The following CDH23 variants were observed in gnomAD, a reference collection of about 807,000 sequenced individuals.
CDH23 encodes the protein cadherin-23.
CDH23 carries 189 observed loss-of-function variants against 317.1 expected under a neutral mutation model. The observed-to-expected ratio is 0.60, with a 90% CI of 0.53 to 0.67. CDH23 has a LOEUF of 0.67. CDH23 is among the 30% of genes least tolerant of loss of function. CDH23 has a pLI of 0.00. For synonymous variants in CDH23, 1,839 were observed against 1,876.8 expected, an observed-to-expected ratio of 0.98 and a Z score of 0.52; for missense variants, 4,401 against 4,592.4, an observed-to-expected ratio of 0.96 and a Z score of 1.20.
intron 9 of CDH23, among the ~76,000 whole-genome samples, chr10:71,598,269 G>A (rs1859990497): frequency 6.6e-6 from 1 of 152,246 alleles, no homozygotes; most frequent in African/African-American, 2.4e-5. Context: ...TTCTGGCCTA[G>A]GCTGGGGACA....
At chr10:71,685,520 A>G (rs1295431291) in intron 18 of CDH23, among the ~76,000 whole-genome samples, 7 of 152,340 alleles carry the variant, frequency 4.6e-5, no homozygotes, top group African/African-American at 1.7e-4. Context: ...CCCTGGGACC[A>G]CAGAGGAGGT....
intron 9 of CDH23, among the ~76,000 whole-genome samples, chr10:71,580,689 T>A (rs1858562886): frequency 6.6e-6 from 1 of 152,202 alleles, no homozygotes; most frequent in Non-Finnish European, 1.5e-5. Context: ...ACGTGCAGGG[T>A]GGCCTTAGAA....
Position 71,562,124 on chromosome 10 carries a change from C to T in CDH23, c.430-4618C>T, listed in dbSNP as rs538650006. Among the ~76,000 whole-genome samples, 4 of 152,188 alleles carry T rather than the reference C, an allele frequency of 2.6e-5. No homozygotes were observed. In the East Asian group the frequency reaches 7.7e-4, roughly 29 times the overall value. ...CGTGCAGCCCCAACCCCAGACACTC[C>T]AAGCCCCACCCCAGACGCCCCGAAC... is the stretch of plus-strand genomic sequence containing the variant. On this transcript the variant is annotated intron_variant, in intron 6 of 69. Coordinates refer to ENST00000224721, the MANE Select transcript of CDH23 (RefSeq NM_022124.6).
intron 6 of CDH23, among the ~76,000 whole-genome samples, chr10:71,516,793 T>C (rs1854356504): frequency 6.6e-6 from 1 of 152,208 alleles, no homozygotes; most frequent in African/African-American, 2.4e-5. Flanking sequence ...GCACGACTTT[T>C]TGACATGTAG....
chr10:71,448,951 G>A (rs950473414), intron 3 of CDH23, among the ~76,000 whole-genome samples: 23 of 152,290 alleles, frequency 1.5e-4, no homozygotes, highest in African/African-American at 4.8e-4. Context: ...CATGGGGAGT[G>A]GGGTGGTCTA....
At chr10:71,799,016 C>A in intron 50 of CDH23, 95 bp from the exon 51 acceptor site, 1 of 1,226,748 alleles carries the variant, frequency 8.2e-7, no homozygotes, top group Non-Finnish European at 1.2e-6. Flanking sequence ...GTGACCACAG[C>A]TGCCCCTCGG....
chr10:71,640,269 G>A (rs777828390), intron 11 of CDH23, among the ~76,000 whole-genome samples: 1 of 152,142 alleles, frequency 6.6e-6, no homozygotes, highest in African/African-American at 2.4e-5. Flanking sequence ...GCCTGCACAC[G>A]ATTGGTGCCG....
chr10:71,471,166 C>T (rs1264209089), intron 3 of CDH23, among the ~76,000 whole-genome samples: 3 of 151,966 alleles, frequency 2.0e-5, no homozygotes, highest in African/African-American at 4.8e-5. Context: ...CTCATGCACT[C>T]GCCCACTCTT....
At position 71,801,397 on chromosome 10, in the gene CDH23, G is replaced by A. The variant is rs536715941; in HGVS notation, c.7482+642G>A. 5.9e-5 allele frequency among the ~76,000 whole-genome samples: 9 copies of A among 151,832 alleles called. No individual in the cohort carries two copies. The East Asian group carries it at 1.7e-3, about 29-fold the overall frequency. Reference sequence around the variant, plus strand: ...TCGAACTCCCGACCTCAGGTGATTCGCCCACCTCGGCCTCCCAAAGTGCTG... The same window carrying A: ...TCGAACTCCCGACCTCAGGTGATTCACCCACCTCGGCCTCCCAAAGTGCTG... On this transcript the variant is annotated intron_variant, in intron 53 of 69. Transcript: ENST00000224721.
Position 71,812,622 on chromosome 10 carries a change from C to T in CDH23, c.9510+13C>T, listed in dbSNP as rs183692794. The T allele has an allele frequency of 1.7e-3, 2,696 of 1,613,528 alleles. 27 individuals carry two copies. Among genetic ancestry groups the T allele is most frequent in the African/African-American group, 0.011 (843 of 74,790 alleles). ...CACGCGCACCCATGTGAGCCAGAGG[C>T]GGTCAGGCATCACAAGGGGCAGGGG... is the stretch of plus-strand genomic sequence containing the variant. On this transcript the variant is annotated intron_variant, in intron 67 of 69. Coordinates refer to ENST00000224721, the MANE Select transcript of CDH23 (RefSeq NM_022124.6).
chr10:71,657,385 A>G (rs558808608), intron 14 of CDH23, among the ~76,000 whole-genome samples: 44 of 152,336 alleles, frequency 2.9e-4, no homozygotes, highest in South Asian at 2.1e-3. Flanking sequence ...CCAAAAGCGT[A>G]CCAATGCCTG....
chr10:71,438,198 C>T lies in CDH23; in HGVS notation c.-5-1629C>T, dbSNP rs553311221. Among the ~76,000 whole-genome samples, 9 of 148,912 alleles carry T rather than the reference C, an allele frequency of 6.0e-5. No homozygotes were observed. In the East Asian group the frequency reaches 1.2e-3, roughly 20 times the overall value. On this transcript the variant is annotated intron_variant, in intron 1 of 69. Coordinates refer to ENST00000224721, the MANE Select transcript of CDH23 (RefSeq NM_022124.6). ...TCTACTCAAAATACAAAAAAATGAG[C>T]CAAGCGTGGTGGCACGCACCTGTAA...
chr10:71,624,265 C>T (rs1018926346), intron 11 of CDH23, among the ~76,000 whole-genome samples: 5 of 152,194 alleles, frequency 3.3e-5, no homozygotes, highest in African/African-American at 1.2e-4. Flanking sequence ...CCCAGCCTGC[C>T]TTGTATTTGT....
intron 3 of CDH23, among the ~76,000 whole-genome samples, chr10:71,464,086 C>T (rs1010928369): frequency 6.6e-6 from 1 of 152,152 alleles, no homozygotes; most frequent in African/African-American, 2.4e-5. Context: ...AGTGACTTAC[C>T]CAAGATCATG....
chr10:71,807,371 A>G lies in CDH23; in HGVS notation c.8273A>G (p.Glu2758Gly), dbSNP rs1841761325. ...GNVTGAVDAD[E>G]GPNAIVYYFI... ...GTGACAGGCGCAGTGGATGCAGATG[A>G]GGGCCCCAACGCGATCGTGTACTAC... The change falls in exon 58 of 70, where the codon GAG becomes GGG. Residue 2758 changes from glutamate to glycine, a missense_variant. By Grantham distance (98) the Glu-to-Gly change is moderately conservative (BLOSUM62 -2). This residue lies in a region of CDH23 where 1,144 missense variants were observed against 1,138.2 expected (regional missense o/e 1.01). Transcript: ENST00000224721. The G allele has an allele frequency of 6.2e-7, 1 of 1,613,744 alleles. No individual in the cohort carries two copies. The highest frequency in any genetic ancestry group is 1.7e-5 in the Admixed American group (1 of 59,992).
At chr10:71,654,367 G>A (rs1014755974) in intron 14 of CDH23, among the ~76,000 whole-genome samples, 11 of 152,206 alleles carry the variant, frequency 7.2e-5, no homozygotes, top group African/African-American at 1.7e-4. Context: ...GGCTCTCCAC[G>A]GTTTTCATCG....
chr10:71,782,328 C>A (rs972842245), intron 41 of CDH23, among the ~76,000 whole-genome samples: 2 of 152,226 alleles, frequency 1.3e-5, no homozygotes, highest in East Asian at 1.9e-4. Flanking sequence ...CCTGGGCTCC[C>A]TTTCGGGATC....
chr10:71,543,394 A>C (rs997910812), intron 6 of CDH23, among the ~76,000 whole-genome samples: 1 of 152,170 alleles, frequency 6.6e-6, no homozygotes, highest in African/African-American at 2.4e-5. Flanking sequence ...CTCACTGTCA[A>C]AGCACCCACA....
intron 8 of CDH23, 72 bp downstream of exon 8, chr10:71,570,990 T>C (rs1326388191): frequency 1.3e-6 from 2 of 1,560,802 alleles, no homozygotes; most frequent in Non-Finnish European, 1.8e-6. Context: ...CTGTTAGGGA[T>C]GGGCCCTGTT....
Sources: allele counts gnomAD v4.1 joint callset (sites outside exome capture counted in the v4.1 genomes callset), GRCh38; gene constraint gnomAD v4.1.1; regional missense constraint gnomAD v4.1.1; transcripts MANE v1.5; gene names NCBI Gene and HGNC (gene_info 2026-07-23, HGNC 2026-07-21).